SULF2: variants seen among roughly 807,000 people sequenced by gnomAD.
The protein encoded by SULF2 is sulfatase 2, also known as extracellular sulfatase Sulf-2.
A neutral mutation model predicts 107.7 loss-of-function variants in SULF2; 52 were observed. The ratio of observed to expected loss-of-function variants is 0.48; its 90% confidence interval spans 0.39 to 0.61. SULF2 has a LOEUF of 0.61. Among genes scored for constraint, SULF2 ranks in the 20% least tolerant of loss-of-function variants. SULF2 has a pLI of 0.00. For missense variants in SULF2, 993 were observed against 1,177.3 expected, an observed-to-expected ratio of 0.84 and a Z score of 2.29; for synonymous variants, 460 against 464.3, an observed-to-expected ratio of 0.99 and a Z score of 0.12.
At chr20:47,741,089 G>T (rs1385499868) in intron 2 of SULF2, among the ~76,000 whole-genome samples, 1 of 152,106 alleles carries the variant, frequency 6.6e-6, no homozygotes, top group Non-Finnish European at 1.5e-5. Flanking sequence ...CTGAAATCAG[G>T]CCAGTTGCTT....
chr20:47,745,398 AAAAAAAAAAAAAATATATAT>A (rs1184674207), intron 2 of SULF2, among the ~76,000 whole-genome samples: 6 of 29,384 alleles, frequency 2.0e-4, no homozygotes, highest in African/African-American at 8.3e-4. Context: ...AAAAAAAAAA[AAAAAAAAAAAAAATATATAT>A]ATATATATAT....
intron 15 of SULF2, 141 bp from the exon 16 acceptor site, chr20:47,663,763 T>A: frequency 1.0e-6 from 1 of 991,548 alleles, no homozygotes; most frequent in Non-Finnish European, 1.5e-6. Flanking sequence ...GGGTCCCAAG[T>A]CCCAGTGCTG....
chr20:47,713,334 G>A (rs1477167267), intron 3 of SULF2, among the ~76,000 whole-genome samples: 1 of 151,196 alleles, frequency 6.6e-6, no homozygotes, highest in African/African-American at 2.4e-5. Flanking sequence ...GCATGGGATG[G>A]CCCTCCTCCC....
intron 10 of SULF2, among the ~76,000 whole-genome samples, chr20:47,674,873 G>C (rs569858388): frequency 6.6e-6 from 1 of 152,120 alleles, no homozygotes. Context: ...GAGCAGGGCC[G>C]TTGCCTGGGA....
chr20:47,667,031 GTGA>G (rs2087298562), intron 11 of SULF2, among the ~76,000 whole-genome samples: 1 of 152,192 alleles, frequency 6.6e-6, no homozygotes, highest in African/African-American at 2.4e-5. Flanking sequence ...CCCTTTTGGG[GTGA>G]TGAAATGTTT....
intron 10 of SULF2, among the ~76,000 whole-genome samples, chr20:47,676,033 G>A (rs2087628643): frequency 6.6e-6 from 1 of 151,954 alleles, no homozygotes; most frequent in Admixed American, 6.6e-5. Context: ...ACTGTTCCTG[G>A]CCATAATTTC....
At chr20:47,736,506 A>G (rs2089733517) in intron 3 of SULF2, among the ~76,000 whole-genome samples, 197 bp downstream of exon 3, 1 of 152,248 alleles carries the variant, frequency 6.6e-6, no homozygotes, top group African/African-American at 2.4e-5. Flanking sequence ...AGGTCACTTT[A>G]CATCACTACT....
At chr20:47,745,030 G>A (rs1366154345) in intron 2 of SULF2, among the ~76,000 whole-genome samples, 1 of 152,040 alleles carries the variant, frequency 6.6e-6, no homozygotes, top group African/African-American at 2.4e-5. Flanking sequence ...GACTTTGGGT[G>A]CCAAAGAGCA....
At chr20:47,722,489 T>G (rs2089321805) in intron 3 of SULF2, among the ~76,000 whole-genome samples, 1 of 152,046 alleles carries the variant, frequency 6.6e-6, no homozygotes. Context: ...TTTGAACTCC[T>G]GGGCTCAAGT....
chr20:47,699,667 G>A (rs2146585432), intron 4 of SULF2, among the ~76,000 whole-genome samples: 2 of 152,272 alleles, frequency 1.3e-5, no homozygotes, highest in South Asian at 4.1e-4. Context: ...GACATGGTGG[G>A]CTGAAGGGCT....
At chr20:47,779,494 G>A (rs376219851) in intron 1 of SULF2, among the ~76,000 whole-genome samples, 2 of 152,234 alleles carry the variant, frequency 1.3e-5, no homozygotes, top group East Asian at 1.9e-4. Flanking sequence ...TAACAGTCCC[G>A]GTGATACCAC....
Position 47,757,276 on chromosome 20 carries a change from G to T in SULF2, c.88C>A (p.Arg30Ser), listed in dbSNP as rs542814912. Residue 30 changes from arginine to serine, a missense_variant, in exon 2 of 21, where the codon CGC becomes AGC. This residue lies in a region of SULF2 where 388 missense variants were observed against 449.2 expected (regional missense o/e 0.86). Coordinates refer to ENST00000688720, the MANE Select transcript of SULF2 (RefSeq NM_001387048.1). Reference sequence around the variant, plus strand: ...TCCCTCTGAAACCTGCCTTTCAGGCGGTGGTGCGACAGGAAGGCCGAGCTT... The same window carrying T: ...TCCCTCTGAAACCTGCCTTTCAGGCTGTGGTGCGACAGGAAGGCCGAGCTT... The part of the protein sequence containing the change: ...GGSSAFLSHH[R>S]LKGRFQRDRR... The T allele has an allele frequency of 6.3e-7, 1 of 1,585,872 alleles. No homozygotes were observed. Among genetic ancestry groups the T allele is most frequent in the Non-Finnish European group, 8.6e-7 (1 of 1,165,072 alleles).
intron 3 of SULF2, among the ~76,000 whole-genome samples, chr20:47,719,091 T>C (rs2089211966): frequency 6.6e-6 from 1 of 152,234 alleles, no homozygotes; most frequent in South Asian, 2.1e-4. Context: ...GAATTACGGA[T>C]ATTTTCATAT....
At chr20:47,659,261 A>G (rs1051665891) in intron 20 of SULF2, 138 bp downstream of exon 20, 2 of 728,074 alleles carry the variant, frequency 2.7e-6, no homozygotes, top group African/African-American at 3.5e-5. Context: ...AAAGATGTGC[A>G]TTAGTACTTC....
At chr20:47,723,870 C>A (rs756162211) in intron 3 of SULF2, among the ~76,000 whole-genome samples, 19 of 152,122 alleles carry the variant, frequency 1.2e-4, no homozygotes, top group Non-Finnish European at 2.4e-4. Flanking sequence ...AAATGAAATG[C>A]GCTTGAATCA....
chr20:47,706,166 C>T (rs1179021882), intron 3 of SULF2, among the ~76,000 whole-genome samples: 1 of 152,102 alleles, frequency 6.6e-6, no homozygotes, highest in South Asian at 2.1e-4. Context: ...CCCCTCAGGT[C>T]TTTGGAGCCA....
chr20:47,682,888 C>A (rs377182522), intron 7 of SULF2, 106 bp downstream of exon 7: 1 of 1,198,646 alleles, frequency 8.3e-7, no homozygotes. Context: ...GGTACATCTG[C>A]GAAAACTGTG....
chr20:47,740,573 G>A (rs888656231), intron 2 of SULF2, among the ~76,000 whole-genome samples: 4 of 152,144 alleles, frequency 2.6e-5, no homozygotes, highest in African/African-American at 9.7e-5. Flanking sequence ...GATTAATTGC[G>A]TGGCTTGGTT....
At chr20:47,731,187 C>CTTTTTTTTTTTTTTTTTTTTTTTTTTTTT (rs71183273) in intron 3 of SULF2, among the ~76,000 whole-genome samples, 1 of 81,178 alleles carries the variant, frequency 1.2e-5, no homozygotes, top group African/African-American at 6.2e-5. Flanking sequence ...TGTATCTTCT[C>CTTTTTTTTTTTTTTTTTTTTTTTTTTTTT]TTTTTTTTTT....
Sources: allele counts gnomAD v4.1 joint callset (sites outside exome capture counted in the v4.1 genomes callset), GRCh38; gene constraint gnomAD v4.1.1; regional missense constraint gnomAD v4.1.1; transcripts MANE v1.5; gene names NCBI Gene and HGNC (gene_info 2026-07-23, HGNC 2026-07-21).